Variants in SLIT1 observed in about 807,000 individuals in gnomAD.
The protein encoded by SLIT1 is slit guidance ligand 1.
In SLIT1, 66 loss-of-function variants were observed where a neutral mutation model predicts 186.1. The ratio of observed to expected loss-of-function variants is 0.35; its 90% CI spans 0.29 to 0.44. The LOEUF is 0.44. SLIT1 is among the 20% of genes least tolerant of loss of function. The probability of loss-of-function intolerance (pLI) is 1.00; values close to 1 mark genes in which losing one functional copy is unlikely to be tolerated. For synonymous variants in SLIT1, 761 were observed against 833.8 expected (o/e 0.91, Z 1.50); for missense variants, 1,638 against 2,037.4 (o/e 0.80, Z 3.77).
chr10:97,155,247 GC>G (rs1849934184), intron 4 of SLIT1: 1 of 152,386 alleles, frequency 6.6e-6, no homozygotes, highest in Non-Finnish European at 1.5e-5. Context: ...GCCTTGAAAA[GC>G]CCAGGACCAC....
intron 2 of SLIT1, among the ~76,000 whole-genome samples, chr10:97,164,085 A>G (rs116155118): frequency 0.017 from 2,625 of 152,324 alleles, 91 homozygotes; most frequent in African/African-American, 0.06. Context: ...GGGACTCTGC[A>G]TCCCCTCACC....
At chr10:97,143,155 A>T (rs543811182) in intron 4 of SLIT1, among the ~76,000 whole-genome samples, 1 of 152,234 alleles carries the variant, frequency 6.6e-6, no homozygotes, top group Non-Finnish European at 1.5e-5. Flanking sequence ...AATTGAAAGC[A>T]GGGTCTCAAA....
intron 4 of SLIT1, among the ~76,000 whole-genome samples, chr10:97,099,102 C>T (rs922287541): frequency 2.6e-5 from 4 of 151,022 alleles, no homozygotes; most frequent in Non-Finnish European, 4.4e-5. Context: ...CCATGATTAA[C>T]GTGAATAGCA....
chr10:97,146,403 C>G (rs938313780), intron 4 of SLIT1, among the ~76,000 whole-genome samples: 3 of 152,210 alleles, frequency 2.0e-5, no homozygotes, highest in Non-Finnish European at 2.9e-5. Context: ...TGAGTCCAGC[C>G]TGGCACCAAC....
Position 97,056,231 on chromosome 10 carries a change from G to A in SLIT1, c.1301+90C>T, listed in dbSNP as rs993966963. Reference sequence around the variant, plus strand: ...CACCCCCAGTGAGCACAGCAGCCCAGAGCCGGAGAGCTGCCTGTCCCTGGA... The same window carrying A: ...CACCCCCAGTGAGCACAGCAGCCCAAAGCCGGAGAGCTGCCTGTCCCTGGA... On this transcript the variant is annotated intron_variant, in intron 13 of 36. Coordinates refer to ENST00000266058, the MANE Select transcript of SLIT1 (RefSeq NM_003061.3). 13 of 1,450,546 alleles carry A rather than the reference G, an allele frequency of 9.0e-6. No individual in the cohort carries two copies. The Admixed American group carries it at 2.3e-4, about 26-fold the overall frequency. The allele number at this position is 1,450,546 out of a possible 1,614,324, so 89.9% of individuals were successfully genotyped here. A position where few individuals can be genotyped will look rare whatever the true frequency, so the allele number is the denominator to read the frequency against.
In SLIT1 at chr10:97,077,614, G is replaced by A. The variant is rs574871727; in HGVS notation, c.414-11528C>T. ...AGTTTGTAAGAGGAGACTGGCACAC[G>A]GTGGGTGACAATCAGTTGTATTGTC... On this transcript the variant is annotated intron_variant, in intron 4 of 36. Coordinates refer to ENST00000266058, the MANE Select transcript of SLIT1 (RefSeq NM_003061.3). 7.7e-4 allele frequency among the ~76,000 whole-genome samples: 117 copies of A among 152,252 alleles called. 1 individual carries two copies. The highest frequency in any genetic ancestry group is 2.7e-3 in the African/African-American group (111 of 41,542).
intron 3 of SLIT1, among the ~76,000 whole-genome samples, chr10:97,162,143 C>A (rs1164430883): frequency 6.6e-6 from 1 of 152,206 alleles, no homozygotes; most frequent in African/African-American, 2.4e-5. Flanking sequence ...TCTTCTTCCT[C>A]CTGTATTCTA....
chr10:97,174,141 C>T lies in SLIT1; in HGVS notation c.198-9251G>A, dbSNP rs142294581. 3.7e-4 allele frequency among the ~76,000 whole-genome samples: 56 copies of T among 152,318 alleles called. 1 individual carries two copies. Among genetic ancestry groups the T allele is most frequent in the African/African-American group, 1.3e-3 (54 of 41,572 alleles). On this transcript the variant is annotated intron_variant, in intron 1 of 36. Transcript: ENST00000266058. ...CCAGCTTCCCCAGGTGCCCACTTAT[C>T]TCCTCTGGAGCTCGGACTGCCATCG... is the stretch of plus-strand genomic sequence containing the variant.
intron 4 of SLIT1, among the ~76,000 whole-genome samples, chr10:97,096,900 C>T (rs1237036576): frequency 6.6e-6 from 1 of 152,232 alleles, no homozygotes; most frequent in East Asian, 1.9e-4. Context: ...CAAGCCCCTC[C>T]TGGGTGGCTT....
chr10:97,096,993 A>G lies in SLIT1; in HGVS notation c.414-30907T>C, dbSNP rs767122751. 4.4e-4 allele frequency among the ~76,000 whole-genome samples: 67 copies of G among 152,122 alleles called. 2 individuals carry two copies. The highest frequency in any genetic ancestry group is 1.2e-3 in the Admixed American group (19 of 15,270). ...TTCCTGCTCCTCTCTGGAGTTCTGT[A>G]CCATCCAAAGCTCCCATTTTTTCTC... On this transcript the variant is annotated intron_variant, in intron 4 of 36. Transcript: ENST00000266058.
intron 4 of SLIT1, chr10:97,154,502 G>A (rs1849921859): frequency 6.6e-6 from 1 of 152,300 alleles, no homozygotes; most frequent in South Asian, 2.1e-4. Flanking sequence ...GATGAGAAAT[G>A]TTTCCTGCTG....
At chr10:97,026,126 C>T (rs1355942983) in intron 25 of SLIT1, among the ~76,000 whole-genome samples, 2 of 152,184 alleles carry the variant, frequency 1.3e-5, no homozygotes, top group East Asian at 3.8e-4. Flanking sequence ...GTTTGTACAT[C>T]AGAGTGTACA....
chr10:97,036,430 G>T (rs1187650259), intron 22 of SLIT1, among the ~76,000 whole-genome samples: 2 of 152,138 alleles, frequency 1.3e-5, no homozygotes, highest in African/African-American at 4.8e-5. Flanking sequence ...AGATAAATTG[G>T]AGCTTCAAAA....
At chr10:97,180,078 G>A (rs993558499) in intron 1 of SLIT1, among the ~76,000 whole-genome samples, 9 of 152,132 alleles carry the variant, frequency 5.9e-5, no homozygotes, top group Non-Finnish European at 5.9e-5. Flanking sequence ...CCGACAGCCC[G>A]CCCCGCCCAA....
intron 4 of SLIT1, among the ~76,000 whole-genome samples, chr10:97,140,491 C>T (rs1849746965): frequency 6.6e-6 from 1 of 152,212 alleles, no homozygotes; most frequent in Non-Finnish European, 1.5e-5. Flanking sequence ...CACGAGTGGG[C>T]CCCCAAGTTG....
At chr10:97,066,962 G>C (rs1397693609) in intron 4 of SLIT1, among the ~76,000 whole-genome samples, 1 of 152,136 alleles carries the variant, frequency 6.6e-6, no homozygotes, top group Non-Finnish European at 1.5e-5. Context: ...GGCTGTGGTG[G>C]GTGCGCCTGG....
At chr10:97,042,415 G>T (rs1848698000) in intron 20 of SLIT1, among the ~76,000 whole-genome samples, 2 of 152,014 alleles carry the variant, frequency 1.3e-5, no homozygotes, top group African/African-American at 2.4e-5. Flanking sequence ...GAGGGATGGG[G>T]CTACCCTGAG....
At chr10:97,049,598 T>C (rs1425306757) in intron 13 of SLIT1, among the ~76,000 whole-genome samples, 1 of 152,120 alleles carries the variant, frequency 6.6e-6, no homozygotes, top group Non-Finnish European at 1.5e-5. Context: ...CCCTGGTTTG[T>C]GCCCTTTCCT....
intron 4 of SLIT1, among the ~76,000 whole-genome samples, chr10:97,131,418 C>T (rs191233023): frequency 6.6e-6 from 1 of 152,372 alleles, no homozygotes; most frequent in Non-Finnish European, 1.5e-5. Flanking sequence ...AGCCCTGGAC[C>T]AAGGGTGGGG....
Sources: allele counts gnomAD v4.1 joint callset (sites outside exome capture counted in the v4.1 genomes callset), GRCh38; gene constraint gnomAD v4.1.1; transcripts MANE v1.5; gene names NCBI Gene and HGNC (gene_info 2026-07-23, HGNC 2026-07-21).